The following SCHIP1 variants were observed in gnomAD, a reference collection of about 807,000 sequenced individuals.
SCHIP1 encodes schwannomin-interacting protein 1.
A neutral mutation model predicts 29.7 loss-of-function variants in SCHIP1; 8 were observed. The ratio of observed to expected loss-of-function variants is 0.27; its 90% CI spans 0.16 to 0.49. SCHIP1 has a LOEUF of 0.49. Among genes scored for constraint, SCHIP1 ranks in the 20% least tolerant of loss-of-function variants. The pLI, the probability that SCHIP1 is intolerant of heterozygous loss-of-function variation, is 0.99. For synonymous variants in SCHIP1, 76 were observed against 94.9 expected (o/e 0.80, Z 1.16); for missense variants, 193 against 294.6 (o/e 0.66, Z 2.52).
At chr3:159,853,838 T>C (rs1432383869) in intron 1 of SCHIP1, among the ~76,000 whole-genome samples, 3 of 152,262 alleles carry the variant, frequency 2.0e-5, no homozygotes, top group Non-Finnish European at 4.4e-5. Context: ...ATTTTTTGTT[T>C]GATTTTATTG....
At chr3:159,653,515 C>T in the SCHIP1 span, among the ~76,000 whole-genome samples, 114 of 134,822 alleles carry the variant, frequency 8.5e-4, 1 homozygote, top group African/African-American at 3.1e-3. Context: ...CATGTTCTCA[C>T]TTATAAGTGG....
the SCHIP1 span, among the ~76,000 whole-genome samples, chr3:159,295,656 C>T: frequency 1.3e-5 from 2 of 152,150 alleles, no homozygotes; most frequent in Admixed American, 6.5e-5. Flanking sequence ...CTCTCAGGCT[C>T]TGAGAAATAG....
At chr3:159,513,967 G>T in the SCHIP1 span, among the ~76,000 whole-genome samples, 1 of 152,174 alleles carries the variant, frequency 6.6e-6, no homozygotes, top group Non-Finnish European at 1.5e-5. Flanking sequence ...TTGGACAATA[G>T]CATCCTATAA....
intron 1 of SCHIP1, among the ~76,000 whole-genome samples, chr3:159,855,726 A>C (rs138865072): frequency 6.6e-6 from 1 of 152,290 alleles, no homozygotes; most frequent in East Asian, 1.9e-4. Context: ...AAAACAATTA[A>C]AAAATTGATA....
chr3:159,617,998 CA>C, the SCHIP1 span, among the ~76,000 whole-genome samples: 1 of 151,690 alleles, frequency 6.6e-6, no homozygotes, highest in Non-Finnish European at 1.5e-5. Context: ...ATGTGAAAAA[CA>C]GAAAAAAAAA....
At chr3:159,346,000 C>T in the SCHIP1 span, among the ~76,000 whole-genome samples, 1 of 151,926 alleles carries the variant, frequency 6.6e-6, no homozygotes, top group Non-Finnish European at 1.5e-5. Flanking sequence ...TCGAGACCAG[C>T]CTGGCCAACA....
At chr3:159,724,454 C>T in the SCHIP1 span, among the ~76,000 whole-genome samples, 1 of 152,222 alleles carries the variant, frequency 6.6e-6, no homozygotes, top group Non-Finnish European at 1.5e-5. Context: ...CCAGGGCATT[C>T]ATAGAGACTT....
chr3:159,299,137 A>G, the SCHIP1 span, among the ~76,000 whole-genome samples: 2 of 152,234 alleles, frequency 1.3e-5, no homozygotes, highest in Non-Finnish European at 2.9e-5. Flanking sequence ...ATTTAATTTT[A>G]AAACATATGG....
At chr3:159,632,624 G>C in the SCHIP1 span, among the ~76,000 whole-genome samples, 1 of 152,092 alleles carries the variant, frequency 6.6e-6, no homozygotes, top group Non-Finnish European at 1.5e-5. Context: ...CTCAAACTTG[G>C]AACAAATAGT....
chr3:159,434,154 C>T, the SCHIP1 span, among the ~76,000 whole-genome samples: 1 of 152,172 alleles, frequency 6.6e-6, no homozygotes, highest in Non-Finnish European at 1.5e-5. Context: ...TAATCAGCAA[C>T]ATTCATTAGG....
the SCHIP1 span, among the ~76,000 whole-genome samples, chr3:159,396,224 G>C: frequency 2.0e-5 from 3 of 151,386 alleles, no homozygotes; most frequent in East Asian, 3.9e-4. Flanking sequence ...CTCTGCACTT[G>C]AGATGGGTTT....
At chr3:159,312,960 TAATTTCA>T in the SCHIP1 span, among the ~76,000 whole-genome samples, 2 of 152,244 alleles carry the variant, frequency 1.3e-5, no homozygotes, top group African/African-American at 4.8e-5. Context: ...CATTATTCTT[TAATTTCA>T]ATCACAAATG....
chr3:159,848,845 T>C (rs1379575486), intron 1 of SCHIP1, among the ~76,000 whole-genome samples: 4 of 152,130 alleles, frequency 2.6e-5, no homozygotes, highest in Non-Finnish European at 1.5e-5. Context: ...TCTCAGATAT[T>C]TTAAGCTGGC....
At chr3:159,718,399 A>G in the SCHIP1 span, among the ~76,000 whole-genome samples, 4 of 152,174 alleles carry the variant, frequency 2.6e-5, no homozygotes, top group African/African-American at 9.7e-5. Flanking sequence ...AGGCAGAAGA[A>G]AGAAATAAAG....
chr3:159,668,376 C>CAAAAAAAAAAAAAAAAAAAAAAA, the SCHIP1 span, among the ~76,000 whole-genome samples: 29 of 46,400 alleles, frequency 6.3e-4, 1 homozygote, highest in African/African-American at 2.4e-3. Flanking sequence ...GACTCCGTCT[C>CAAAAAAAAAAAAAAAAAAAAAAA]AAAAAAAAAA....
the SCHIP1 span, among the ~76,000 whole-genome samples, chr3:159,466,997 G>T: frequency 2.0e-5 from 3 of 151,752 alleles, no homozygotes; most frequent in African/African-American, 7.3e-5. Context: ...AATAAAATAA[G>T]AAAAATGAAC....
At chr3:159,298,970 TG>T in the SCHIP1 span, among the ~76,000 whole-genome samples, 2 of 152,326 alleles carry the variant, frequency 1.3e-5, no homozygotes, top group Non-Finnish European at 2.9e-5. Flanking sequence ...CTCTCCTCTC[TG>T]TACCTTTTGC....
At chr3:159,509,420 C>T in the SCHIP1 span, among the ~76,000 whole-genome samples, 3 of 152,130 alleles carry the variant, frequency 2.0e-5, no homozygotes, top group African/African-American at 7.2e-5. Flanking sequence ...ACTCTTTATC[C>T]AATTTGCCAG....
chr3:159,441,465 C>G, the SCHIP1 span, among the ~76,000 whole-genome samples: 1 of 151,894 alleles, frequency 6.6e-6, no homozygotes, highest in Non-Finnish European at 1.5e-5. Flanking sequence ...GCCAAGCAGC[C>G]AGGTTTTTTT....
Sources: allele counts gnomAD v4.1 joint callset (sites outside exome capture counted in the v4.1 genomes callset), GRCh38; gene constraint gnomAD v4.1.1; transcripts MANE v1.5; gene names NCBI Gene and HGNC (gene_info 2026-07-23, HGNC 2026-07-21).